Variants in WDFY4 observed in about 807,000 individuals in gnomAD.
WDFY4 encodes the protein WDFY family member 4.
WDFY4 carries 169 observed loss-of-function variants against 351.9 expected under a neutral mutation model. The ratio of observed to expected loss-of-function variants is 0.48; its 90% confidence interval spans 0.42 to 0.55. The LOEUF is 0.55. Ranked by LOEUF, WDFY4 falls within the 20% of genes least tolerant of loss-of-function variation. The probability of loss-of-function intolerance (pLI) is 0.00; values close to 1 mark genes in which losing one functional copy is unlikely to be tolerated. For synonymous variants in WDFY4, 1,622 were observed against 1,574.6 expected, an observed-to-expected ratio of 1.03 and a Z score of -0.71; for missense variants, 3,803 against 3,935.6, an observed-to-expected ratio of 0.97 and a Z score of 0.90.
At position 48,897,571 on chromosome 10, in the gene WDFY4, G is replaced by T. The variant is rs1242087654; in HGVS notation, c.7434G>T (p.Leu2478=). ...MRELRQARFL[L]QDIALEIFFH... ...AGCTACGGCAGGCTCGCTTCCTCCT[G>T]CAGGTAAGCACACTGGGTGCTGGCA... The change falls in exon 45 of 62, where the codon CTG becomes CTT. Residue 2478 remains leucine, a synonymous_variant. Coordinates refer to ENST00000325239, the MANE Select transcript of WDFY4 (RefSeq NM_001394531.1). 3 of 1,546,144 alleles carry T rather than the reference G, an allele frequency of 1.9e-6. No individual in the cohort carries two copies. Among genetic ancestry groups the T allele is most frequent in the Non-Finnish European group, 2.6e-6 (3 of 1,146,896 alleles).
At chr10:48,952,150 G>A (rs564101458) in intron 51 of WDFY4, among the ~76,000 whole-genome samples, 2 of 152,292 alleles carry the variant, frequency 1.3e-5, no homozygotes, top group Admixed American at 1.3e-4. Flanking sequence ...TTGGTGGAGC[G>A]TGTGCCAGGG....
intron 7 of WDFY4, 121 bp from the exon 8 acceptor site, chr10:48,729,311 A>G: frequency 7.1e-7 from 1 of 1,413,846 alleles, no homozygotes; most frequent in South Asian, 1.4e-5. Flanking sequence ...TCAGGTGCAG[A>G]CCTGTGGGGT....
At position 48,830,743 on chromosome 10, in the gene WDFY4, G is replaced by T; in HGVS notation, c.6384G>T (p.Gln2128His). The T allele has an allele frequency of 6.4e-7, 1 of 1,551,696 alleles. No individual in the cohort carries two copies. The highest frequency in any genetic ancestry group is 8.7e-7 in the Non-Finnish European group (1 of 1,146,968). The part of the protein sequence containing the change: ...IQKTVQTLWQ[Q>H]LVAQRQQTLE... Reference sequence around the variant, plus strand: ...AGACAGTGCAGACTCTCTGGCAGCAGCTGGTGGCACAAAGGCAGCAGACCC... The same window carrying T: ...AGACAGTGCAGACTCTCTGGCAGCATCTGGTGGCACAAAGGCAGCAGACCC... The change falls in exon 38 of 62, where the codon CAG (glutamine) becomes CAT (histidine). Residue 2128 changes from glutamine (Q) to histidine (H), a missense_variant. Physicochemically the swap from Gln to His is conservative, Grantham distance 24 (BLOSUM62 0). Around this residue, in one of 3 missense-constraint regions of WDFY4, gnomAD observed 3,054 missense variants for 3,148.6 expected, o/e 0.97. Coordinates refer to ENST00000325239, the MANE Select transcript of WDFY4 (RefSeq NM_001394531.1).
chr10:48,732,665 G>A (rs945006524), intron 9 of WDFY4, among the ~76,000 whole-genome samples: 3 of 152,216 alleles, frequency 2.0e-5, no homozygotes, highest in African/African-American at 7.2e-5. Flanking sequence ...ACAGGGTAAT[G>A]ATGTTGACAT....
chr10:48,725,836 C>T lies in WDFY4; in HGVS notation c.592-45C>T, dbSNP rs1473298137. ...GAACAAATCCATCTGAGGAAGGAGA[C>T]TTCCTAACCAGGTCTCCTTGACTGT... On this transcript the variant is annotated intron_variant, in intron 5 of 61. Transcript: ENST00000325239. 2.0e-6 allele frequency: 3 copies of T among 1,507,912 alleles called. No individual in the cohort carries two copies. In the East Asian group the frequency reaches 7.5e-5, roughly 38 times the overall value. 93.4% of individuals were successfully genotyped at this position (1,507,912 alleles called of 1,614,324 possible).
At chr10:48,885,106 G>A (rs1024225411) in intron 43 of WDFY4, among the ~76,000 whole-genome samples, 2 of 152,026 alleles carry the variant, frequency 1.3e-5, no homozygotes, top group African/African-American at 4.8e-5. Flanking sequence ...CCAACGGTCG[G>A]TTTCTTAGTG....
chr10:48,772,143 G>A (rs558733466), intron 13 of WDFY4, among the ~76,000 whole-genome samples: 8 of 152,280 alleles, frequency 5.3e-5, no homozygotes, highest in African/African-American at 1.9e-4. Flanking sequence ...AGGTATGTGG[G>A]ATTTGTTGAG....
chr10:48,829,636 G>C (rs761479855), intron 37 of WDFY4, among the ~76,000 whole-genome samples: 4 of 152,154 alleles, frequency 2.6e-5, no homozygotes, highest in South Asian at 4.1e-4. Context: ...GATCACCTAA[G>C]GTCAGGAGTT....
chr10:48,854,351 C>T (rs181258746), intron 39 of WDFY4, among the ~76,000 whole-genome samples: 11 of 152,186 alleles, frequency 7.2e-5, no homozygotes, highest in South Asian at 4.1e-4. Flanking sequence ...TCCAGCGATC[C>T]GCCCACCTCG....
At chr10:48,874,145 A>C (rs1481653586) in intron 41 of WDFY4, among the ~76,000 whole-genome samples, 1 of 152,224 alleles carries the variant, frequency 6.6e-6, no homozygotes, top group African/African-American at 2.4e-5. Flanking sequence ...TTTTACGATG[A>C]AAATCTCATG....
chr10:48,722,895 T>C (rs958452032), intron 4 of WDFY4, among the ~76,000 whole-genome samples: 1 of 152,244 alleles, frequency 6.6e-6, no homozygotes, highest in Non-Finnish European at 1.5e-5. Context: ...TTGCTGGCTG[T>C]CTGATTGTCA....
intron 59 of WDFY4, among the ~76,000 whole-genome samples, chr10:48,978,013 G>T (rs1410756936): frequency 6.6e-6 from 1 of 152,166 alleles, no homozygotes; most frequent in Non-Finnish European, 1.5e-5. Context: ...CAATAAACTG[G>T]TTGCAGAGTC....
intron 44 of WDFY4, among the ~76,000 whole-genome samples, chr10:48,896,990 G>A (rs1011811434): frequency 7.9e-5 from 12 of 152,186 alleles, no homozygotes; most frequent in African/African-American, 2.9e-4. Context: ...CGCCAGGCTG[G>A]GCATGGGGGA....
chr10:48,833,612 G>A (rs1003839801), intron 39 of WDFY4, among the ~76,000 whole-genome samples: 17 of 152,162 alleles, frequency 1.1e-4, no homozygotes, highest in African/African-American at 4.1e-4. Context: ...GGAACATGTG[G>A]GACTGGAAAT....
intron 17 of WDFY4, 143 bp from the exon 18 acceptor site, chr10:48,778,468 A>C: frequency 1.2e-6 from 1 of 816,872 alleles, no homozygotes; most frequent in Non-Finnish European, 1.9e-6. Flanking sequence ...GCAGCATGCC[A>C]TAATGGGGAG....
At chr10:48,845,760 G>T (rs1451587059) in intron 39 of WDFY4, among the ~76,000 whole-genome samples, 1 of 152,206 alleles carries the variant, frequency 6.6e-6, no homozygotes, top group Non-Finnish European at 1.5e-5. Context: ...ATAAGGAAAT[G>T]AGATCAGGAA....
At chr10:48,941,110 T>C (rs1554818064) in intron 47 of WDFY4, among the ~76,000 whole-genome samples, 2 of 151,994 alleles carry the variant, frequency 1.3e-5, no homozygotes, top group South Asian at 2.1e-4. Context: ...AAGCCTGTCA[T>C]GGGGGCGGTG....
At chr10:48,736,800 T>A (rs763520748) in intron 11 of WDFY4, among the ~76,000 whole-genome samples, 83 of 152,042 alleles carry the variant, frequency 5.5e-4, no homozygotes, top group Non-Finnish European at 8.1e-4. Flanking sequence ...CCTTACCTGG[T>A]TGAGGAAGGC....
At chr10:48,782,414 T>A (rs908300443) in intron 19 of WDFY4, among the ~76,000 whole-genome samples, 1 of 152,230 alleles carries the variant, frequency 6.6e-6, no homozygotes, top group Admixed American at 6.5e-5. Flanking sequence ...GAATTGAATG[T>A]GCAGCCACAG....
Sources: allele counts gnomAD v4.1 joint callset (sites outside exome capture counted in the v4.1 genomes callset), GRCh38; gene constraint gnomAD v4.1.1; regional missense constraint gnomAD v4.1.1; transcripts MANE v1.5; gene names NCBI Gene and HGNC (gene_info 2026-07-23, HGNC 2026-07-21).